Variants in STPG2 observed in about 807,000 individuals in gnomAD.
The protein encoded by STPG2 is sperm tail PG-rich repeat containing 2.
Under a neutral mutation model 54.2 loss-of-function variants are expected in STPG2, and 56 were observed. The observed-to-expected ratio is 1.03, with a 90% CI of 0.83 to 1.29. The LOEUF (loss-of-function observed/expected upper bound fraction) is 1.29, where lower values mean the gene tolerates loss of function less well. STPG2 is among the 50% of genes most tolerant of loss of function. The pLI is 0.00. For missense variants in STPG2, 596 were observed against 544.9 expected (o/e 1.09, Z -0.93); for synonymous variants, 200 against 181.8 (o/e 1.10, Z -0.81).
At chr4:97,737,573 T>A (rs1001765747) in intron 9 of STPG2, among the ~76,000 whole-genome samples, 7 of 152,198 alleles carry the variant, frequency 4.6e-5, no homozygotes, top group Middle Eastern at 6.8e-3. Flanking sequence ...TGCAGAAGCC[T>A]CAGGAGCTGA....
intron 5 of STPG2, among the ~76,000 whole-genome samples, chr4:98,028,667 G>A (rs540560657): frequency 6.6e-5 from 10 of 152,194 alleles, no homozygotes; most frequent in African/African-American, 2.2e-4. Context: ...TTGTTTCGTT[G>A]TGGAGAACAG....
intron 9 of STPG2, among the ~76,000 whole-genome samples, chr4:97,782,607 C>T (rs987631653): frequency 7.2e-5 from 11 of 152,122 alleles, no homozygotes; most frequent in Admixed American, 2.6e-4. Flanking sequence ...ACGAAAAAAG[C>T]GCCTGCATTG....
At chr4:97,789,833 A>T (rs1726936864) in intron 9 of STPG2, among the ~76,000 whole-genome samples, 1 of 152,116 alleles carries the variant, frequency 6.6e-6, no homozygotes, top group African/African-American at 2.4e-5. Flanking sequence ...TACCCATTAC[A>T]CTAAGATACT....
At chr4:97,631,528 T>C (rs1721277878) in intron 10 of STPG2, among the ~76,000 whole-genome samples, 1 of 152,146 alleles carries the variant, frequency 6.6e-6, no homozygotes, top group African/African-American at 2.4e-5. Context: ...TCTGTAGTTT[T>C]AGATAATCAT....
At chr4:97,745,773 A>G (rs575924040) in intron 9 of STPG2, among the ~76,000 whole-genome samples, 1 of 151,370 alleles carries the variant, frequency 6.6e-6, no homozygotes, top group Admixed American at 6.6e-5. Flanking sequence ...AGCTCATACC[A>G]TATGTGCTTA....
intron 9 of STPG2, among the ~76,000 whole-genome samples, chr4:97,714,449 G>A (rs913698132): frequency 1.3e-5 from 2 of 151,758 alleles, no homozygotes; most frequent in East Asian, 1.9e-4. Context: ...AAATAAGGGA[G>A]GACATCCAGG....
rs184332333 is a variant in STPG2, at chr4:97,799,888, A to G, written c.1204+40885T>C. Among the ~76,000 whole-genome samples the G allele has an allele frequency of 2.5e-3, 382 of 151,702 alleles. 2 individuals are homozygous for G. Among genetic ancestry groups the G allele is most frequent in the African/African-American group, 9.0e-3 (372 of 41,334 alleles). ...TTGGAGGCTTTGTTCATTTCTTTTT[A>G]CCCTTTTTTCTCTAAACTTCTCTTC... On this transcript the variant is annotated intron_variant, in intron 9 of 10. Transcript: ENST00000295268.
At chr4:98,104,594 T>C (rs1273996954) in intron 5 of STPG2, among the ~76,000 whole-genome samples, 1 of 152,254 alleles carries the variant, frequency 6.6e-6, no homozygotes, top group Non-Finnish European at 1.5e-5. Flanking sequence ...TTCACATTTC[T>C]GCTTTAATTA....
intron 1 of STPG2, among the ~76,000 whole-genome samples, chr4:98,134,910 T>G (rs761793603): frequency 2.0e-5 from 3 of 151,816 alleles, no homozygotes; most frequent in African/African-American, 4.8e-5. Context: ...AGATAATTGG[T>G]CATGTCTCCT....
At chr4:97,955,829 A>AG (rs1733653617) in intron 7 of STPG2, among the ~76,000 whole-genome samples, 2 of 152,202 alleles carry the variant, frequency 1.3e-5, no homozygotes, top group South Asian at 2.1e-4. Flanking sequence ...GTCTAAAAAA[A>AG]CAAAATATTA....
At position 98,130,947 on chromosome 4, in the gene STPG2, AAAAC is replaced by A. The variant is rs1394979229; in HGVS notation, c.223-2359_223-2356del. Among the ~76,000 whole-genome samples the A allele has an allele frequency of 1.5e-4, 19 of 127,838 alleles. 1 individual carries two copies. Among genetic ancestry groups the A allele is most frequent in the East Asian group, 3.9e-4 (2 of 5,094 alleles). 83.9% of individuals were successfully genotyped at this position (127,838 alleles called of 152,430 possible). On this transcript the variant is annotated intron_variant, in intron 2 of 10. Transcript: ENST00000295268. ...AAAAAAAAAAAAAAAAAACAAAAAAAAAACGACTTTCCAAAATATAGCCCCTACC... is the reference window on the plus strand; with the variant it reads ...AAAAAAAAAAAAAAAAAACAAAAAAAGACTTTCCAAAATATAGCCCCTACC...
chr4:97,682,983 T>C (rs6532688), intron 10 of STPG2, among the ~76,000 whole-genome samples: 89,265 of 151,596 alleles, frequency 0.59, 26,597 homozygotes, highest in South Asian at 0.68. Context: ...TCCAGCTAAC[T>C]GTTGTCATGT....
At chr4:97,857,528 AT>A (rs1729373413) in intron 8 of STPG2, among the ~76,000 whole-genome samples, 1 of 151,938 alleles carries the variant, frequency 6.6e-6, no homozygotes. Context: ...GATTGTGTGT[AT>A]TTGATTCTTC....
chr4:97,917,700 G>C (rs1731936966), intron 8 of STPG2, among the ~76,000 whole-genome samples: 1 of 152,118 alleles, frequency 6.6e-6, no homozygotes, highest in African/African-American at 2.4e-5. Flanking sequence ...ACCTCAAAGA[G>C]CTGTTAATCT....
chr4:97,627,546 G>A (rs1349933739), intron 10 of STPG2, among the ~76,000 whole-genome samples: 2 of 152,010 alleles, frequency 1.3e-5, no homozygotes, highest in African/African-American at 4.8e-5. Flanking sequence ...ATGTAAGATA[G>A]TACAAAATGT....
intron 3 of STPG2, among the ~76,000 whole-genome samples, chr4:98,110,269 G>T (rs1436556195): frequency 6.6e-6 from 1 of 152,080 alleles, no homozygotes; most frequent in East Asian, 1.9e-4. Flanking sequence ...TGGCACCAGG[G>T]AAAGGCAGTC....
chr4:97,635,484 A>T (rs950824363), intron 10 of STPG2, among the ~76,000 whole-genome samples: 1 of 152,224 alleles, frequency 6.6e-6, no homozygotes, highest in African/African-American at 2.4e-5. Context: ...AAATTCACAC[A>T]TAACCCTATT....
intron 7 of STPG2, among the ~76,000 whole-genome samples, chr4:97,945,902 C>T (rs1009857992): frequency 6.6e-6 from 1 of 151,880 alleles, no homozygotes; most frequent in Admixed American, 6.6e-5. Context: ...CTACAAAAAA[C>T]ACAAAAATTA....
At chr4:98,141,026 T>G (rs2110173702) in intron 1 of STPG2, among the ~76,000 whole-genome samples, 1 of 151,718 alleles carries the variant, frequency 6.6e-6, no homozygotes, top group Non-Finnish European at 1.5e-5. Flanking sequence ...ACATAAACAT[T>G]TAAAGATGTG....
Sources: gnomAD v4.1 joint callset for allele counts (sites outside exome capture counted in the v4.1 genomes callset) on GRCh38, gnomAD v4.1.1 for gene constraint, MANE v1.5 for transcripts, NCBI Gene and HGNC (gene_info 2026-07-23, HGNC 2026-07-21) for gene names.